GLIS3: variants seen among roughly 807,000 people sequenced by gnomAD.
GLIS3 encodes the protein GLIS family zinc finger 3.
A neutral mutation model predicts 78.6 loss-of-function variants in GLIS3; 53 were observed. The observed-to-expected ratio is 0.67, with a 90% CI of 0.54 to 0.85. GLIS3 has a LOEUF of 0.85. GLIS3 is among the 40% of genes least tolerant of loss of function. The probability of loss-of-function intolerance (pLI) is 0.00; values close to 1 mark genes in which losing one functional copy is unlikely to be tolerated. For synonymous variants in GLIS3, 684 were observed against 509.9 expected (o/e 1.34, Z -4.60); for missense variants, 1,703 against 1,231.1 (o/e 1.38, Z -5.74).
At chr9:4,390,248 G>A in the GLIS3 span, among the ~76,000 whole-genome samples, 5 of 152,242 alleles carry the variant, frequency 3.3e-5, no homozygotes, top group Admixed American at 3.3e-4. Context: ...TGTATTGAGA[G>A]CAATCATTCA....
intron 4 of GLIS3, among the ~76,000 whole-genome samples, chr9:4,032,944 C>T (rs925052254): frequency 5.9e-5 from 9 of 152,100 alleles, no homozygotes; most frequent in African/African-American, 2.2e-4. Flanking sequence ...AGCTCCGCCT[C>T]CCGGGTTCAC....
At chr9:3,873,927 C>A (rs907685802) in intron 8 of GLIS3, among the ~76,000 whole-genome samples, 2 of 152,114 alleles carry the variant, frequency 1.3e-5, no homozygotes, top group African/African-American at 4.8e-5. Context: ...CTGATTCATA[C>A]ACTAGATTGA....
At chr9:4,121,080 T>C (rs1315841967) in intron 3 of GLIS3, among the ~76,000 whole-genome samples, 1 of 152,224 alleles carries the variant, frequency 6.6e-6, no homozygotes, top group Non-Finnish European at 1.5e-5. Context: ...ATTCTATTCA[T>C]TAAAGTATTA....
At chr9:4,189,970 G>T (rs899951699) in intron 2 of GLIS3, among the ~76,000 whole-genome samples, 6 of 152,060 alleles carry the variant, frequency 3.9e-5, no homozygotes, top group African/African-American at 1.4e-4. Context: ...GCAGCTGAGG[G>T]TCCTGTCTGT....
In GLIS3 at chr9:4,080,873, G is replaced by C. The variant is rs1588624587; in HGVS notation, c.1710+36895C>G. Among the ~76,000 whole-genome samples, 5 of 152,280 alleles carry C rather than the reference G, an allele frequency of 3.3e-5. No homozygotes were observed. The South Asian group carries it at 1.0e-3, about 32-fold the overall frequency. ...TTCCGTTGGATCATCTTGACCCCCG[G>C]GCGTACATCGTACAACCTTCACACC... On this transcript the variant is annotated intron_variant, in intron 4 of 10. Coordinates refer to ENST00000381971, the MANE Select transcript of GLIS3 (RefSeq NM_001042413.2).
chr9:4,474,332 C>T, the GLIS3 span, among the ~76,000 whole-genome samples: 4 of 152,026 alleles, frequency 2.6e-5, no homozygotes, highest in Non-Finnish European at 5.9e-5. Context: ...ATGGTGAAAC[C>T]CCATCTCTAC....
At chr9:4,185,730 A>C (rs1454021018) in intron 2 of GLIS3, among the ~76,000 whole-genome samples, 2 of 152,180 alleles carry the variant, frequency 1.3e-5, no homozygotes, top group African/African-American at 2.4e-5. Context: ...TCTAGCTAGG[A>C]CCATGTTCAG....
chr9:4,006,316 A>C (rs1388210587), intron 4 of GLIS3, among the ~76,000 whole-genome samples: 1 of 151,550 alleles, frequency 6.6e-6, no homozygotes, highest in African/African-American at 2.4e-5. Context: ...AAAAAAAAAA[A>C]AAAAAAAAAA....
At chr9:3,908,250 G>C (rs960796163) in intron 6 of GLIS3, among the ~76,000 whole-genome samples, 2 of 152,152 alleles carry the variant, frequency 1.3e-5, no homozygotes, top group African/African-American at 4.8e-5. Context: ...CCTCATCTTG[G>C]TTGTTAGCTG....
intron 2 of GLIS3, among the ~76,000 whole-genome samples, chr9:4,252,643 G>C (rs1028432158): frequency 6.6e-6 from 1 of 152,068 alleles, no homozygotes. Flanking sequence ...ATCCAGTTTT[G>C]TTCCCTTGCT....
At chr9:4,086,168 T>G (rs1829007067) in intron 4 of GLIS3, among the ~76,000 whole-genome samples, 1 of 152,184 alleles carries the variant, frequency 6.6e-6, no homozygotes, top group South Asian at 2.1e-4. Flanking sequence ...AGACATGTAT[T>G]TTCAGTATTC....
intron 6 of GLIS3, among the ~76,000 whole-genome samples, chr9:3,920,870 A>T (rs1487088578): frequency 1.3e-5 from 2 of 152,192 alleles, no homozygotes; most frequent in African/African-American, 4.8e-5. Context: ...ATTGTGAAAC[A>T]GAGCTTCTTG....
chr9:4,298,945 G>C (rs1417663102), intron 1 of GLIS3, among the ~76,000 whole-genome samples: 1 of 152,156 alleles, frequency 6.6e-6, no homozygotes, highest in East Asian at 1.9e-4. Context: ...ACAGCCCCGC[G>C]TGTGCGCGAG....
At chr9:4,205,130 C>T (rs1025221151) in intron 2 of GLIS3, among the ~76,000 whole-genome samples, 2 of 149,142 alleles carry the variant, frequency 1.3e-5, no homozygotes, top group Non-Finnish European at 3.0e-5. Flanking sequence ...GAGCTGAGAT[C>T]ACCCCACTGC....
At chr9:3,915,163 C>G (rs964510479) in intron 6 of GLIS3, among the ~76,000 whole-genome samples, 2 of 152,152 alleles carry the variant, frequency 1.3e-5, no homozygotes, top group African/African-American at 4.8e-5. Context: ...TTCCTATAGC[C>G]TGTATAGACT....
intron 6 of GLIS3, among the ~76,000 whole-genome samples, chr9:3,920,099 G>C (rs1268557725): frequency 1.3e-5 from 2 of 149,978 alleles, no homozygotes; most frequent in Non-Finnish European, 3.0e-5. Flanking sequence ...CGCCTCCTGG[G>C]TTCACACCAT....
At chr9:4,391,425 T>C in the GLIS3 span, among the ~76,000 whole-genome samples, 35 of 152,138 alleles carry the variant, frequency 2.3e-4, no homozygotes, top group African/African-American at 5.3e-4. Flanking sequence ...AACAGTAGAC[T>C]TTTTTTCTGA....
chr9:4,036,207 C>T (rs763850038), intron 4 of GLIS3, among the ~76,000 whole-genome samples: 3 of 152,136 alleles, frequency 2.0e-5, no homozygotes, highest in South Asian at 4.1e-4. Context: ...GGATGCACTG[C>T]GTTTTACATT....
intron 4 of GLIS3, among the ~76,000 whole-genome samples, chr9:3,956,442 T>C (rs1817118776): frequency 6.6e-6 from 1 of 152,314 alleles, no homozygotes; most frequent in South Asian, 2.1e-4. Context: ...TGATGCCCTT[T>C]GTCTAATTCT....
Sources: allele counts gnomAD v4.1 joint callset (sites outside exome capture counted in the v4.1 genomes callset), GRCh38; gene constraint gnomAD v4.1.1; transcripts MANE v1.5; gene names NCBI Gene and HGNC (gene_info 2026-07-23, HGNC 2026-07-21).